Variants in GAS7 observed in about 807,000 individuals in gnomAD.
GAS7 encodes the protein growth arrest-specific protein 7.
A neutral mutation model predicts 71.1 loss-of-function variants in GAS7; 28 were observed. The ratio of observed to expected loss-of-function variants is 0.39; its 90% CI spans 0.29 to 0.54. The LOEUF (loss-of-function observed/expected upper bound fraction) is 0.54. Ranked by LOEUF, GAS7 falls within the 20% of genes least tolerant of loss-of-function variation. The pLI is 0.62. For synonymous variants in GAS7, 258 were observed against 245.8 expected (o/e 1.05, Z -0.46); for missense variants, 436 against 627.8 (o/e 0.69, Z 3.27).
intron 7 of GAS7, among the ~76,000 whole-genome samples, chr17:9,942,551 A>G (rs1216268328): frequency 6.6e-6 from 1 of 152,136 alleles, no homozygotes; most frequent in East Asian, 1.9e-4. Flanking sequence ...CACTGTTATA[A>G]TCCTTGAGGC....
intron 5 of GAS7, among the ~76,000 whole-genome samples, chr17:9,951,269 AAATTAACT>A (rs1475039904): frequency 5.3e-5 from 8 of 152,270 alleles, no homozygotes; most frequent in Non-Finnish European, 1.0e-4. Context: ...ATTTAATGAT[AAATTAACT>A]ATGACATTAA....
intron 2 of GAS7, among the ~76,000 whole-genome samples, chr17:10,017,295 T>C (rs2072073753): frequency 1.3e-5 from 2 of 151,352 alleles, no homozygotes; most frequent in Admixed American, 6.6e-5. Flanking sequence ...TATGGCCCAG[T>C]GAACTTGCCA....
At chr17:9,933,046 C>T (rs1413133377) in intron 9 of GAS7, among the ~76,000 whole-genome samples, 1 of 152,080 alleles carries the variant, frequency 6.6e-6, no homozygotes, top group African/African-American at 2.4e-5. Context: ...GTGGCAGGCG[C>T]CTGTAGTCCC....
intron 1 of GAS7, among the ~76,000 whole-genome samples, chr17:10,079,014 T>C (rs1220245491): frequency 1.3e-5 from 2 of 152,058 alleles, no homozygotes; most frequent in Admixed American, 6.6e-5. Flanking sequence ...AATCAGATGA[T>C]GGTGAAGAAA....
At position 10,151,967 on chromosome 17, in the gene GAS7, T is replaced by A. The variant is rs116525851; in HGVS notation, c.183+46241A>T. On this transcript the variant is annotated intron_variant, in intron 1 of 13. Coordinates refer to ENST00000432992, the MANE Select transcript of GAS7 (RefSeq NM_201433.2). ...AATGGAAGGAAAAGAGAGCCAGGAC[T>A]TTCAGTTGCCAGTGGCAGAAATCCA... 2.1e-3 allele frequency among the ~76,000 whole-genome samples: 315 copies of A among 152,330 alleles called. 1 individual carries two copies. The highest frequency in any genetic ancestry group is 7.2e-3 in the African/African-American group (299 of 41,574).
chr17:10,187,903 A>G (rs1484235832), intron 1 of GAS7, among the ~76,000 whole-genome samples: 1 of 152,222 alleles, frequency 6.6e-6, no homozygotes. Flanking sequence ...TTTTTGCCTC[A>G]CTGTGAGGAG....
chr17:10,151,028 G>T (rs1276252633), intron 1 of GAS7, among the ~76,000 whole-genome samples: 1 of 152,176 alleles, frequency 6.6e-6, no homozygotes, highest in African/African-American at 2.4e-5. Context: ...TTGTTGTTAG[G>T]ATTAAAAAGA....
chr17:10,015,654 G>A (rs117129949), intron 2 of GAS7, among the ~76,000 whole-genome samples: 50 of 152,274 alleles, frequency 3.3e-4, no homozygotes, highest in Middle Eastern at 6.8e-3. Context: ...TCTAAGAAAC[G>A]ATTCCAGAGG....
intron 1 of GAS7, among the ~76,000 whole-genome samples, chr17:10,100,024 A>G (rs76378464): frequency 1.1e-3 from 170 of 152,356 alleles, no homozygotes; most frequent in African/African-American, 3.8e-3. Flanking sequence ...GAAAGAGACA[A>G]GAAAAGAGGA....
chr17:10,171,884 G>A (rs1202211191), intron 1 of GAS7, among the ~76,000 whole-genome samples: 1 of 152,136 alleles, frequency 6.6e-6, no homozygotes, highest in Non-Finnish European at 1.5e-5. Context: ...AACAAGTGAC[G>A]TTTCAACACA....
In GAS7 at chr17:9,981,932, A is replaced by G; in HGVS notation, c.305-48T>C. 1 of 1,025,482 alleles carries G rather than the reference A, an allele frequency of 9.8e-7. No homozygotes were observed. The highest frequency in any genetic ancestry group is 1.6e-6 in the Non-Finnish European group (1 of 643,352). 63.5% of individuals were successfully genotyped at this position (1,025,482 alleles called of 1,614,324 possible). A position where few individuals can be genotyped will look rare whatever the true frequency, so the allele number is the denominator to read the frequency against. ...AATCACTTTGAGAATGTCACAGGGC[A>G]GAACCTGAGTTTCACAGAGCAGAAG... On this transcript the variant is annotated intron_variant, in intron 2 of 13. Transcript: ENST00000432992. This position sits in a 1 kb window ranked among gnomAD's most constrained non-coding sequence, Gnocchi z 4.4.
chr17:9,917,019 G>A lies in GAS7; in HGVS notation c.*209C>T. 1.7e-6 allele frequency: 1 copy of A among 592,354 alleles called. No individual in the cohort carries two copies. Among genetic ancestry groups the A allele is most frequent in the Non-Finnish European group, 3.0e-6 (1 of 331,320 alleles). 36.7% of individuals were successfully genotyped at this position (592,354 alleles called of 1,614,324 possible). A position where few individuals can be genotyped will look rare whatever the true frequency, so the allele number is the denominator to read the frequency against. ...AGGGGGTCTTCAGCCTCAGAGACAAGGGCAGGGCTGTGGGTCTGTCTTCTG... is the reference window on the plus strand; with the variant it reads ...AGGGGGTCTTCAGCCTCAGAGACAAAGGCAGGGCTGTGGGTCTGTCTTCTG... On this transcript the variant is annotated 3_prime_UTR_variant, in exon 14 of 14. Coordinates refer to ENST00000432992, the MANE Select transcript of GAS7 (RefSeq NM_201433.2).
At chr17:10,106,299 C>G (rs1177940481) in intron 1 of GAS7, among the ~76,000 whole-genome samples, 1 of 152,180 alleles carries the variant, frequency 6.6e-6, no homozygotes, top group Non-Finnish European at 1.5e-5. Context: ...GCGGCTCCTC[C>G]GCAGACACCG....
rs371067054 is a variant in GAS7, at chr17:9,921,376, C to T, written c.1139-1671G>A. Among the ~76,000 whole-genome samples the T allele has an allele frequency of 3.6e-3, 547 of 152,004 alleles. 1 individual carries two copies. Among genetic ancestry groups the T allele is most frequent in the Non-Finnish European group, 5.9e-3 (400 of 67,950 alleles). The stretch of plus-strand genomic sequence containing the variant: ...TTCACCATATCGGCCAGGCTAGTCT[C>T]GAACTCCTGACCTTGTGATCCGCCC... On this transcript the variant is annotated intron_variant, in intron 11 of 13. Coordinates refer to ENST00000432992, the MANE Select transcript of GAS7 (RefSeq NM_201433.2).
At chr17:10,051,791 C>T (rs148363624) in intron 1 of GAS7, among the ~76,000 whole-genome samples, 5 of 152,124 alleles carry the variant, frequency 3.3e-5, no homozygotes, top group African/African-American at 1.2e-4. Flanking sequence ...TACCCCAGAT[C>T]GATCGCTCAA....
intron 2 of GAS7, among the ~76,000 whole-genome samples, chr17:9,998,802 A>C (rs2071150935): frequency 6.6e-6 from 1 of 151,574 alleles, no homozygotes; most frequent in East Asian, 1.9e-4. Flanking sequence ...TTACGCCTGC[A>C]TTCCTGTGAG....
At position 10,135,022 on chromosome 17, in the gene GAS7, G is replaced by A. The variant is rs149548465; in HGVS notation, c.183+63186C>T. On this transcript the variant is annotated intron_variant, in intron 1 of 13. Transcript: ENST00000432992. ...TAATTCTTGTATTTTTAGTAGAGAC[G>A]GGGTTTCACCATGTTGGCCAGGATG... 5.9e-3 allele frequency among the ~76,000 whole-genome samples: 896 copies of A among 152,078 alleles called. 7 individuals carry two copies. Among genetic ancestry groups the A allele is most frequent in the African/African-American group, 0.02 (841 of 41,474 alleles).
chr17:10,104,619 CA>C (rs1334641831), intron 1 of GAS7, among the ~76,000 whole-genome samples: 1 of 152,126 alleles, frequency 6.6e-6, no homozygotes, highest in Admixed American at 6.5e-5. Flanking sequence ...TCTTCACTTC[CA>C]AAAACAAAAC....
rs955803175 is a variant in GAS7 at position 10,015,613 on chromosome 17, T to C, written c.304+4164A>G. ...GAAAGGCAGGCAGATTAAAATATAT[T>C]TAAAACATCCCTACAGCCAAACAAA... On this transcript the variant is annotated intron_variant, in intron 2 of 13. Coordinates refer to ENST00000432992, the MANE Select transcript of GAS7 (RefSeq NM_201433.2). Among the ~76,000 whole-genome samples, 11 of 152,228 alleles carry C rather than the reference T, an allele frequency of 7.2e-5. 2 individuals carry two copies. The highest frequency in any genetic ancestry group is 1.3e-4 in the Admixed American group (2 of 15,294).
Sources: gnomAD v4.1 joint callset for allele counts (sites outside exome capture counted in the v4.1 genomes callset) on GRCh38, gnomAD v4.1.1 for gene constraint, Gnocchi (gnomAD v3.1) non-coding constraint, MANE v1.5 for transcripts, NCBI Gene and HGNC (gene_info 2026-07-23, HGNC 2026-07-21) for gene names.